Variants in FCHSD2 observed in about 807,000 individuals in gnomAD.
The protein encoded by FCHSD2 is FCH and double SH3 domains 2, also known as F-BAR and double SH3 domains protein 2.
Under a neutral mutation model 108.1 loss-of-function variants are expected in FCHSD2, and 38 were observed. The ratio of observed to expected loss-of-function variants is 0.35; its 90% CI spans 0.27 to 0.46. FCHSD2 has a LOEUF of 0.46. FCHSD2 is among the 20% of genes least tolerant of loss of function. The pLI, the probability that FCHSD2 is intolerant of heterozygous loss-of-function variation, is 1.00. For synonymous variants in FCHSD2, 279 were observed against 314.7 expected (o/e 0.89, Z 1.20); for missense variants, 751 against 897.8 (o/e 0.84, Z 2.09).
intron 2 of FCHSD2, among the ~76,000 whole-genome samples, chr11:73,106,529 C>A (rs1049264273): frequency 6.6e-6 from 1 of 151,952 alleles, no homozygotes; most frequent in African/African-American, 2.4e-5. Flanking sequence ...TGAAAGAATC[C>A]CTGCAACAGG....
intron 11 of FCHSD2, 97 bp from the exon 12 acceptor site, chr11:72,887,671 C>A: frequency 1.4e-6 from 1 of 698,824 alleles, no homozygotes; most frequent in Non-Finnish European, 2.3e-6. Flanking sequence ...GCTTTAGTGA[C>A]TAGTAGCCAT....
intron 6 of FCHSD2, among the ~76,000 whole-genome samples, chr11:72,986,421 G>C (rs1183244453): frequency 6.6e-6 from 1 of 152,166 alleles, no homozygotes; most frequent in East Asian, 1.9e-4. Context: ...ATGTTAGCCA[G>C]GATGGTCTCA....
intron 8 of FCHSD2, among the ~76,000 whole-genome samples, chr11:72,977,078 C>T (rs879817492): frequency 8.5e-5 from 13 of 152,186 alleles, no homozygotes; most frequent in South Asian, 4.1e-4. Flanking sequence ...GTGCCCACCA[C>T]CACACCTGGC....
chr11:72,977,716 C>T (rs1172698036), intron 8 of FCHSD2, among the ~76,000 whole-genome samples: 2 of 152,230 alleles, frequency 1.3e-5, no homozygotes, highest in East Asian at 3.8e-4. Context: ...AACACTTTTA[C>T]ACTGTTGGTG....
intron 17 of FCHSD2, 114 bp downstream of exon 17, chr11:72,842,507 G>A (rs1184294212): frequency 8.6e-6 from 11 of 1,274,178 alleles, no homozygotes; most frequent in East Asian, 2.4e-5. Flanking sequence ...TGGCAACCAA[G>A]GACCGGTGAG....
chr11:72,917,849 T>C lies in FCHSD2; in HGVS notation c.828+3979A>G, dbSNP rs555714737. 4.6e-5 allele frequency among the ~76,000 whole-genome samples: 7 copies of C among 151,960 alleles called. No homozygotes were observed. In the South Asian group the frequency reaches 1.2e-3, roughly 27 times the overall value. On this transcript the variant is annotated intron_variant, in intron 9 of 19. Coordinates refer to ENST00000409418, the MANE Select transcript of FCHSD2 (RefSeq NM_014824.3). Reference sequence around the variant, plus strand: ...GTTGCAGTGAGCTGAGCTCATGCCATTGCACTCTAGCCTGGGTGACAGAGT... The same window carrying C: ...GTTGCAGTGAGCTGAGCTCATGCCACTGCACTCTAGCCTGGGTGACAGAGT...
At chr11:72,903,940 T>C (rs1178354248) in intron 9 of FCHSD2, among the ~76,000 whole-genome samples, 1 of 152,022 alleles carries the variant, frequency 6.6e-6, no homozygotes, top group Non-Finnish European at 1.5e-5. Context: ...AGGTCCAACA[T>C]GAAACACAGG....
At chr11:72,995,537 A>G (rs1266656298) in intron 5 of FCHSD2, among the ~76,000 whole-genome samples, 1 of 150,076 alleles carries the variant, frequency 6.7e-6, no homozygotes, top group Admixed American at 6.7e-5. Context: ...CCTCATCTCT[A>G]AAAAAAAAGT....
intron 8 of FCHSD2, among the ~76,000 whole-genome samples, chr11:72,969,845 T>C (rs1353532158): frequency 6.6e-6 from 1 of 152,182 alleles, no homozygotes; most frequent in African/African-American, 2.4e-5. Flanking sequence ...AACACACACA[T>C]TGGTTATGCT....
rs35445043 is a variant in FCHSD2 at position 73,129,872 on chromosome 11, CTTT to C, written c.119+10156_119+10158del. ...CTACCACACAGATTACCTTCATAAT[CTTT>C]TTTTTTTTTTTTTTTTTGAGACAGA... is the stretch of plus-strand genomic sequence containing the variant. On this transcript the variant is annotated intron_variant, in intron 2 of 19. Transcript: ENST00000409418. Among the ~76,000 whole-genome samples the C allele has an allele frequency of 4.9e-3, 612 of 124,128 alleles. 3 individuals carry two copies. Among genetic ancestry groups the C allele is most frequent in the African/African-American group, 0.019 (589 of 31,770 alleles). The allele number at this position is 124,128 out of a possible 152,430, so 81.4% of individuals were successfully genotyped here.
At chr11:73,098,625 T>C (rs1052760530) in intron 2 of FCHSD2, among the ~76,000 whole-genome samples, 1 of 152,018 alleles carries the variant, frequency 6.6e-6, no homozygotes, top group African/African-American at 2.4e-5. Context: ...CAAACATCTA[T>C]GATCAGCTGA....
chr11:73,011,514 C>A (rs1409238673), intron 4 of FCHSD2, among the ~76,000 whole-genome samples: 1 of 152,172 alleles, frequency 6.6e-6, no homozygotes, highest in Non-Finnish European at 1.5e-5. Context: ...GTGGTTTAGC[C>A]CTAGTGATGC....
At chr11:73,108,941 C>A (rs925019429) in intron 2 of FCHSD2, among the ~76,000 whole-genome samples, 4 of 152,212 alleles carry the variant, frequency 2.6e-5, no homozygotes, top group Non-Finnish European at 4.4e-5. Context: ...TGGTTTCATT[C>A]TTCTGCATAC....
intron 8 of FCHSD2, among the ~76,000 whole-genome samples, chr11:72,930,091 A>C (rs1478174503): frequency 6.6e-6 from 1 of 152,188 alleles, no homozygotes; most frequent in Non-Finnish European, 1.5e-5. Flanking sequence ...GTTGATTATA[A>C]AAATTGGGTC....
chr11:72,854,948 G>C (rs1861385198), intron 13 of FCHSD2, among the ~76,000 whole-genome samples: 1 of 149,728 alleles, frequency 6.7e-6, no homozygotes, highest in African/African-American at 2.5e-5. Context: ...GACCAGCCTG[G>C]CCAACATGGT....
At chr11:72,895,438 G>A (rs2135260880) in intron 10 of FCHSD2, among the ~76,000 whole-genome samples, 1 of 152,248 alleles carries the variant, frequency 6.6e-6, no homozygotes, top group African/African-American at 2.4e-5. Flanking sequence ...CATACCTAGA[G>A]GCATGGTTAG....
At chr11:72,972,160 C>T (rs545205614) in intron 8 of FCHSD2, among the ~76,000 whole-genome samples, 238 of 152,256 alleles carry the variant, frequency 1.6e-3, no homozygotes, top group Non-Finnish European at 2.4e-3. Flanking sequence ...TTCAGTACCC[C>T]TCATCTATTG....
At chr11:73,019,945 CCAAGCCCACAG>C (rs1858061428) in intron 3 of FCHSD2, among the ~76,000 whole-genome samples, 1 of 152,136 alleles carries the variant, frequency 6.6e-6, no homozygotes, top group South Asian at 2.1e-4. Flanking sequence ...AAATCATTCT[CCAAGCCCACAG>C]CACTACTATC....
intron 8 of FCHSD2, among the ~76,000 whole-genome samples, chr11:72,946,887 C>A (rs1339748316): frequency 6.6e-6 from 1 of 152,200 alleles, no homozygotes; most frequent in Non-Finnish European, 1.5e-5. Flanking sequence ...AGACTACTCA[C>A]AAGGATGTAG....
Sources: gnomAD v4.1 joint callset for allele counts (sites outside exome capture counted in the v4.1 genomes callset) on GRCh38, gnomAD v4.1.1 for gene constraint, MANE v1.5 for transcripts, NCBI Gene and HGNC (gene_info 2026-07-23, HGNC 2026-07-21) for gene names.